Variants in SAMM50 observed in about 807,000 individuals in gnomAD.
SAMM50 encodes sorting and assembly machinery component 50 homolog.
Under a neutral mutation model 66.9 loss-of-function variants are expected in SAMM50, and 47 were observed. The observed-to-expected ratio is 0.70, with a 90% CI of 0.56 to 0.90. SAMM50 has a LOEUF of 0.90. SAMM50 is among the 40% of genes least tolerant of loss of function. The probability of loss-of-function intolerance (pLI) is 0.00; values close to 1 mark genes in which losing one functional copy is unlikely to be tolerated. For missense variants in SAMM50, 535 were observed against 595.3 expected (o/e 0.90, Z 1.05); for synonymous variants, 191 against 214.1 (o/e 0.89, Z 0.94).
At chr22:43,958,764 A>G (rs1327310879) in intron 1 of SAMM50, among the ~76,000 whole-genome samples, 5 of 152,144 alleles carry the variant, frequency 3.3e-5, no homozygotes, top group Non-Finnish European at 7.3e-5. Flanking sequence ...GGCATGAGCC[A>G]TTGCGCCTAG....
intron 14 of SAMM50, among the ~76,000 whole-genome samples, chr22:43,990,714 G>A (rs1412275794): frequency 6.6e-6 from 1 of 152,026 alleles, no homozygotes; most frequent in Non-Finnish European, 1.5e-5. Flanking sequence ...CCTGTGTGCT[G>A]AAAACAGAAG....
chr22:43,972,864 C>A lies in SAMM50; in HGVS notation c.430-7C>A. 1 of 1,581,552 alleles carries A rather than the reference C, an allele frequency of 6.3e-7. No individual in the cohort carries two copies. The highest frequency in any genetic ancestry group is 8.5e-7 in the Non-Finnish European group (1 of 1,171,420). ...ACCACTGCTATTTTTTTTTTTTCCC[C>A]TCCTAGGTACTTGGCCTCAAGCTTC... On this transcript the variant is annotated splice_region_variant and splice_polypyrimidine_tract_variant and intron_variant, in intron 5 of 14. Coordinates refer to ENST00000350028, the MANE Select transcript of SAMM50 (RefSeq NM_015380.5).
rs2050257289 is a variant in SAMM50, at chr22:43,980,164, T to TCCATCCATC, written c.937-1226_937-1225insCATCCATCC. The stretch of plus-strand genomic sequence containing the variant: ...TCCATCCATCCATCCATCCATCCAT[T>TCCATCCATC]CACCCACCCACCCACCCACCCATCC... On this transcript the variant is annotated intron_variant, in intron 10 of 14. Coordinates refer to ENST00000350028, the MANE Select transcript of SAMM50 (RefSeq NM_015380.5). 8.3e-4 allele frequency among the ~76,000 whole-genome samples: 3 copies of TCCATCCATC among 3,610 alleles called. 1 individual carries two copies. The highest frequency in any genetic ancestry group is 0.2 in the Middle Eastern group (2 of 10). 2.4% of individuals were successfully genotyped at this position (3,610 alleles called of 152,430 possible).
At position 43,990,272 on chromosome 22, in the gene SAMM50, C is replaced by T. The variant is rs1029753314; in HGVS notation, c.1230C>T (p.Gly410=). The change falls in exon 14 of 15, where the codon GGC becomes GGT. Residue 410 remains glycine (G), a synonymous_variant. Transcript: ENST00000350028. ...AGGTCTTTCTCTTTTCAGGGGAGGG[C>T]CCCAAAGCTCATATTCGTAAGCTGG... The part of the protein sequence containing the change: ...GNLCNLNYGE[G]PKAHIRKLAE... The T allele has an allele frequency of 2.5e-6, 4 of 1,614,160 alleles. No individual in the cohort carries two copies. In the African/African-American group the frequency reaches 4.0e-5, roughly 16 times the overall value.
chr22:43,972,415 A>G, intron 5 of SAMM50, 73 bp downstream of exon 5: 1 of 812,554 alleles, frequency 1.2e-6, no homozygotes. Context: ...ACTGCATTCT[A>G]AAAGCTGATG....
At chr22:43,973,171 A>C in intron 6 of SAMM50, 65 bp from the exon 7 acceptor site, 2 of 1,337,682 alleles carry the variant, frequency 1.5e-6, no homozygotes, top group Non-Finnish European at 2.1e-6. Context: ...AAGTCTGTTG[A>C]TTTAAATGTG....
intron 4 of SAMM50, among the ~76,000 whole-genome samples, chr22:43,970,322 T>C (rs577451736): frequency 6.6e-6 from 1 of 152,240 alleles, no homozygotes; most frequent in East Asian, 1.9e-4. Context: ...GGTGTGGTGC[T>C]TCGTTCCCTG....
At chr22:43,968,948 A>G in intron 4 of SAMM50, 130 bp downstream of exon 4, 2 of 637,122 alleles carry the variant, frequency 3.1e-6, no homozygotes, top group Admixed American at 2.5e-5. Context: ...AAGTTGATCA[A>G]ACAGGTAGTC....
chr22:43,982,607 A>G (rs1274653930), intron 11 of SAMM50, among the ~76,000 whole-genome samples: 1 of 152,094 alleles, frequency 6.6e-6, no homozygotes, highest in Admixed American at 6.6e-5. Context: ...TTGAATTCAA[A>G]TGTGTGATTT....
At chr22:43,958,518 A>C (rs1807589) in intron 1 of SAMM50, among the ~76,000 whole-genome samples, 2 of 142,578 alleles carry the variant, frequency 1.4e-5, no homozygotes, top group Non-Finnish European at 3.0e-5. Flanking sequence ...TTTCTCTGTC[A>C]CCCAGGCTGG....
At chr22:43,957,167 A>G in intron 1 of SAMM50, 1 of 748,852 alleles carries the variant, frequency 1.3e-6, no homozygotes, top group Non-Finnish European at 2.5e-6. Flanking sequence ...GCTCATGTAT[A>G]CAAAGCAAAG....
chr22:43,957,022 G>A, intron 1 of SAMM50: 2 of 817,636 alleles, frequency 2.4e-6, no homozygotes, highest in Non-Finnish European at 2.1e-6. Flanking sequence ...CTTCTGAAAG[G>A]AAATATGTCT....
In SAMM50 at chr22:43,955,473, G is replaced by A. The variant is rs182331873; in HGVS notation, c.-105G>A. ...CCGCGTCCGGGGGTTTGTGGGAGTT[G>A]CCTTGACCTGCAGCTCCGCCACCGC... On this transcript the variant is annotated 5_prime_UTR_variant, in exon 1 of 15. Transcript: ENST00000350028. 1,625 of 1,354,708 alleles carry A rather than the reference G, an allele frequency of 1.2e-3. 3 individuals are homozygous for A. The highest frequency in any genetic ancestry group is 1.5e-3 in the Non-Finnish European group (1,467 of 973,890). 83.9% of individuals were successfully genotyped at this position (1,354,708 alleles called of 1,614,324 possible). A position where few individuals can be genotyped will look rare whatever the true frequency, so the allele number is the denominator to read the frequency against.
chr22:43,996,431 G>A lies in SAMM50; in HGVS notation c.*48G>A, dbSNP rs1354838257. 3.2e-6 allele frequency: 5 copies of A among 1,565,390 alleles called. No individual in the cohort carries two copies. In the East Asian group the frequency reaches 1.1e-4, roughly 35 times the overall value. ...TCTGGGACTGGGGCAGCAGCAAGGC[G>A]CCCATGCCACACACCGTCTCTCGAG... is the stretch of plus-strand genomic sequence containing the variant. On this transcript the variant is annotated 3_prime_UTR_variant, in exon 15 of 15. Transcript: ENST00000350028.
intron 4 of SAMM50, 72 bp downstream of exon 4, chr22:43,968,890 A>G (rs2050189020): frequency 1.9e-6 from 2 of 1,053,400 alleles, no homozygotes; most frequent in Admixed American, 3.4e-5. Flanking sequence ...TTATGGCCAG[A>G]TGCAGATCTG....
intron 5 of SAMM50, among the ~76,000 whole-genome samples, 200 bp downstream of exon 5, chr22:43,972,542 G>C (rs541673728): frequency 1.3e-5 from 2 of 152,266 alleles, no homozygotes; most frequent in East Asian, 3.9e-4. Context: ...CAATGTTAAC[G>C]TTAGTAATTA....
chr22:43,955,853 G>A (rs1269784426), intron 1 of SAMM50, among the ~76,000 whole-genome samples: 2 of 152,248 alleles, frequency 1.3e-5, no homozygotes, highest in East Asian at 3.9e-4. Flanking sequence ...CAAAGGACTT[G>A]CCAACTTTCT....
chr22:43,971,232 G>A (rs1314790595), intron 4 of SAMM50, among the ~76,000 whole-genome samples: 2 of 152,174 alleles, frequency 1.3e-5, no homozygotes, highest in Admixed American at 1.3e-4. Flanking sequence ...TTCCTAGAGC[G>A]GTGCCTGAGC....
At chr22:43,980,664 A>T (rs1021370814) in intron 10 of SAMM50, among the ~76,000 whole-genome samples, 2 of 152,064 alleles carry the variant, frequency 1.3e-5, no homozygotes, top group African/African-American at 4.8e-5. Flanking sequence ...TGCTGTGGGG[A>T]CAGAAGCTTG....
Sources: allele counts gnomAD v4.1 joint callset (sites outside exome capture counted in the v4.1 genomes callset), GRCh38; gene constraint gnomAD v4.1.1; transcripts MANE v1.5; gene names NCBI Gene and HGNC (gene_info 2026-07-23, HGNC 2026-07-21).